Variants in NCAM1 observed in about 807,000 individuals in gnomAD.
The protein encoded by NCAM1 is neural cell adhesion molecule 1.
A neutral mutation model predicts 109.8 loss-of-function variants in NCAM1; 14 were observed. That is an observed-to-expected ratio of 0.13 (90% CI 0.08 to 0.20). The LOEUF (loss-of-function observed/expected upper bound fraction) is 0.20. Ranked by LOEUF, NCAM1 falls within the 10% of genes least tolerant of loss-of-function variation. The pLI, the probability that NCAM1 is intolerant of heterozygous loss-of-function variation, is 1.00. For missense variants in NCAM1, 774 were observed against 1,109.9 expected (o/e 0.70, Z 4.30); for synonymous variants, 418 against 442.9 (o/e 0.94, Z 0.70).
At chr11:113,252,799 C>CTGTTT (rs1945721608) in intron 15 of NCAM1, among the ~76,000 whole-genome samples, 1 of 39,706 alleles carries the variant, frequency 2.5e-5, no homozygotes, top group Non-Finnish European at 4.3e-5. Flanking sequence ...CTATGCCCAG[C>CTGTTT]TTTTTTTTTT....
At chr11:113,016,061 A>G (rs1241165603) in intron 1 of NCAM1, among the ~76,000 whole-genome samples, 1 of 152,174 alleles carries the variant, frequency 6.6e-6, no homozygotes, top group Non-Finnish European at 1.5e-5. Flanking sequence ...GAATACGATA[A>G]CAGCTTTAAT....
intron 1 of NCAM1, among the ~76,000 whole-genome samples, chr11:113,135,507 G>A (rs1363494393): frequency 6.6e-6 from 1 of 152,128 alleles, no homozygotes; most frequent in Admixed American, 6.5e-5. Context: ...CTTAAAATAC[G>A]CCAGCTGGGT....
At chr11:113,074,240 A>T (rs1938425957) in intron 1 of NCAM1, among the ~76,000 whole-genome samples, 1 of 152,192 alleles carries the variant, frequency 6.6e-6, no homozygotes, top group Non-Finnish European at 1.5e-5. Flanking sequence ...ATAAATTTGG[A>T]GTCATCAGGG....
chr11:113,187,563 C>CTGTGTGTGTGTGTGTG (rs33947463), intron 1 of NCAM1, among the ~76,000 whole-genome samples: 10 of 147,240 alleles, frequency 6.8e-5, no homozygotes, highest in African/African-American at 2.5e-4. Flanking sequence ...GTGTGTGTTT[C>CTGTGTGTGTGTGTGTG]TGTGTGTGTG....
At chr11:113,154,203 G>C (rs1942333658) in intron 1 of NCAM1, among the ~76,000 whole-genome samples, 1 of 152,208 alleles carries the variant, frequency 6.6e-6, no homozygotes, top group Non-Finnish European at 1.5e-5. Flanking sequence ...TCCGGTTTCT[G>C]GTGGGTTGAG....
At chr11:113,015,723 T>C (rs2135175382) in intron 1 of NCAM1, among the ~76,000 whole-genome samples, 1 of 151,444 alleles carries the variant, frequency 6.6e-6, no homozygotes, top group East Asian at 1.9e-4. Context: ...TGACAGAGAC[T>C]CCATCTAAAA....
intron 1 of NCAM1, among the ~76,000 whole-genome samples, chr11:113,087,156 C>A (rs1264043907): frequency 1.3e-5 from 2 of 152,168 alleles, no homozygotes; most frequent in African/African-American, 4.8e-5. Flanking sequence ...TCTTTCTTTG[C>A]AAACAGATAA....
intron 17 of NCAM1, chr11:113,262,778 TC>T (rs1404338743): frequency 2.6e-6 from 4 of 1,550,668 alleles, no homozygotes; most frequent in Non-Finnish European, 2.6e-6. Flanking sequence ...CACTGGGACA[TC>T]CCCACTGCCA....
chr11:113,028,024 C>T (rs1263821200), intron 1 of NCAM1, among the ~76,000 whole-genome samples: 6 of 151,988 alleles, frequency 3.9e-5, no homozygotes, highest in East Asian at 1.9e-4. Context: ...AATAGAATAG[C>T]GGTTACCAGA....
At chr11:113,147,889 G>C (rs782026739) in intron 1 of NCAM1, among the ~76,000 whole-genome samples, 2 of 152,204 alleles carry the variant, frequency 1.3e-5, no homozygotes, top group Non-Finnish European at 1.5e-5. Context: ...TAAGTTGTCT[G>C]TCCGTGGCCA....
At chr11:112,965,855 C>A (rs995168182) in intron 1 of NCAM1, among the ~76,000 whole-genome samples, 1 of 152,188 alleles carries the variant, frequency 6.6e-6, no homozygotes, top group East Asian at 1.9e-4. Context: ...TGCTAAAGAA[C>A]GGGTTGCACT....
At chr11:113,026,368 C>A (rs1159609545) in intron 1 of NCAM1, among the ~76,000 whole-genome samples, 3 of 152,062 alleles carry the variant, frequency 2.0e-5, no homozygotes, top group African/African-American at 4.8e-5. Flanking sequence ...TTTGCTTCCC[C>A]AGGATTTTAT....
chr11:113,171,402 C>G (rs147806312), intron 1 of NCAM1, among the ~76,000 whole-genome samples: 1 of 152,024 alleles, frequency 6.6e-6, no homozygotes, highest in Non-Finnish European at 1.5e-5. Context: ...GAGGCCGACG[C>G]GGGTAGATCA....
At chr11:113,026,424 T>C (rs782751770) in intron 1 of NCAM1, among the ~76,000 whole-genome samples, 32 of 152,194 alleles carry the variant, frequency 2.1e-4, no homozygotes, top group Non-Finnish European at 4.0e-4. Flanking sequence ...AGAGAGGTGC[T>C]GACTTCCCTG....
intron 1 of NCAM1, among the ~76,000 whole-genome samples, chr11:112,970,447 G>T (rs1312051090): frequency 1.3e-5 from 2 of 152,136 alleles, no homozygotes; most frequent in Non-Finnish European, 2.9e-5. Context: ...GGAGAAGGGA[G>T]GCTAGTGAAG....
chr11:113,090,013 A>G (rs2135753670), intron 1 of NCAM1, among the ~76,000 whole-genome samples: 1 of 152,354 alleles, frequency 6.6e-6, no homozygotes, highest in Non-Finnish European at 1.5e-5. Flanking sequence ...ATTGACGAAA[A>G]GAGTATCCTC....
In NCAM1 at chr11:112,961,508, T is replaced by G; in HGVS notation, c.-105T>G. ...AAATAATCATACTCAGCCTGGCAATTGTCTGCCCCTAGGTCTGTCGCTCAG... is the reference window on the plus strand; with the variant it reads ...AAATAATCATACTCAGCCTGGCAATGGTCTGCCCCTAGGTCTGTCGCTCAG... On this transcript the variant is annotated 5_prime_UTR_variant, in exon 1 of 20. The change creates a new upstream start codon in the 5' untranslated region. Coordinates refer to ENST00000316851, the MANE Select transcript of NCAM1 (RefSeq NM_181351.5). 1 of 815,618 alleles carries G rather than the reference T, an allele frequency of 1.2e-6. No homozygotes were observed. Among genetic ancestry groups the G allele is most frequent in the Non-Finnish European group, 2.2e-6 (1 of 450,960 alleles). The allele number at this position is 815,618 out of a possible 1,614,324, so 50.5% of individuals were successfully genotyped here.
At chr11:113,114,793 C>T (rs1940620715) in intron 1 of NCAM1, among the ~76,000 whole-genome samples, 1 of 152,134 alleles carries the variant, frequency 6.6e-6, no homozygotes, top group Admixed American at 6.5e-5. Flanking sequence ...TCTGTGACTG[C>T]CCAAGGCTGG....
intron 1 of NCAM1, among the ~76,000 whole-genome samples, chr11:113,072,253 A>C (rs1252650899): frequency 6.6e-6 from 1 of 152,236 alleles, no homozygotes; most frequent in East Asian, 1.9e-4. Flanking sequence ...TAAGCTTATT[A>C]ATAAAGACAA....
Sources: allele counts gnomAD v4.1 joint callset (sites outside exome capture counted in the v4.1 genomes callset), GRCh38; gene constraint gnomAD v4.1.1; transcripts MANE v1.5; gene names NCBI Gene and HGNC (gene_info 2026-07-23, HGNC 2026-07-21).